The following DAD1 variants were observed in gnomAD, a reference collection of about 807,000 sequenced individuals.
DAD1 encodes defender against cell death 1, also known as dolichyl-diphosphooligosaccharide--protein glycosyltransferase subunit DAD1.
DAD1 carries 4 observed loss-of-function variants against 9.0 expected under a neutral mutation model. The ratio of observed to expected loss-of-function variants is 0.44; its 90% CI spans 0.22 to 1.01. DAD1 has a LOEUF of 1.01. Ranked by LOEUF, DAD1 falls within the 50% of genes least tolerant of loss-of-function variation. The pLI is 0.24. For synonymous variants in DAD1, 60 were observed against 62.5 expected, an observed-to-expected ratio of 0.96 and a Z score of 0.19; for missense variants, 119 against 137.3, an observed-to-expected ratio of 0.87 and a Z score of 0.67.
At chr14:22,587,665 T>C (rs1243256483) in intron 1 of DAD1, among the ~76,000 whole-genome samples, 1 of 152,146 alleles carries the variant, frequency 6.6e-6, no homozygotes, top group Non-Finnish European at 1.5e-5. Context: ...ATATCTCTGG[T>C]GTGTCAGAAC....
intron 1 of DAD1, among the ~76,000 whole-genome samples, chr14:22,576,761 C>G (rs1330523814): frequency 6.6e-6 from 1 of 152,036 alleles, no homozygotes; most frequent in Non-Finnish European, 1.5e-5. Flanking sequence ...TAAAGTACCC[C>G]TACAATGCAA....
intron 2 of DAD1, among the ~76,000 whole-genome samples, chr14:22,573,409 G>A (rs17119929): frequency 6.6e-6 from 1 of 151,926 alleles, no homozygotes; most frequent in Non-Finnish European, 1.5e-5. Context: ...TTAATCAGGT[G>A]TCTAATGAGT....
intron 1 of DAD1, among the ~76,000 whole-genome samples, chr14:22,582,987 CAG>C (rs2037127791): frequency 8.0e-6 from 1 of 125,502 alleles, no homozygotes; most frequent in Non-Finnish European, 1.6e-5. Context: ...GCCTGGGTGA[CAG>C]AGTGAGACTA....
At chr14:22,567,600 T>C (rs929891005) in intron 2 of DAD1, among the ~76,000 whole-genome samples, 1 of 152,250 alleles carries the variant, frequency 6.6e-6, no homozygotes, top group African/African-American at 2.4e-5. Context: ...CCACAGCCAC[T>C]AGACACAGGT....
At chr14:22,585,431 A>G (rs2037145447) in intron 1 of DAD1, among the ~76,000 whole-genome samples, 1 of 152,244 alleles carries the variant, frequency 6.6e-6, no homozygotes, top group East Asian at 1.9e-4. Flanking sequence ...ATATAACTCT[A>G]AAAAAGGGAC....
At chr14:22,584,193 C>G (rs5742761) in intron 1 of DAD1, among the ~76,000 whole-genome samples, 37,787 of 152,020 alleles carry the variant, frequency 0.25, 7,034 homozygotes, top group African/African-American at 0.52. Context: ...TCATTGCTCA[C>G]TATTCCTGAC....
At chr14:22,570,391 GC>G (rs1167080868) in intron 2 of DAD1, among the ~76,000 whole-genome samples, 1 of 152,034 alleles carries the variant, frequency 6.6e-6, no homozygotes, top group Admixed American at 6.6e-5. Flanking sequence ...CCCACTTCTG[GC>G]CAGAATGTAA....
At chr14:22,579,025 A>C (rs1217977386) in intron 1 of DAD1, among the ~76,000 whole-genome samples, 1 of 152,240 alleles carries the variant, frequency 6.6e-6, no homozygotes, top group African/African-American at 2.4e-5. Context: ...TATTCATTTA[A>C]TGGGTAGCAG....
intron 1 of DAD1, 62 bp downstream of exon 1, chr14:22,588,885 G>A (rs56253357): frequency 1.5e-5 from 23 of 1,554,646 alleles, no homozygotes; most frequent in Admixed American, 7.2e-5. Flanking sequence ...AGAGTACTAT[G>A]AAAACAAAAG....
chr14:22,571,536 C>T (rs2037040052), intron 2 of DAD1, among the ~76,000 whole-genome samples: 1 of 149,354 alleles, frequency 6.7e-6, no homozygotes. Context: ...TTTGTATTTT[C>T]ATTTGTATAG....
At chr14:22,572,145 A>C (rs5742814) in intron 2 of DAD1, among the ~76,000 whole-genome samples, 27,584 of 151,994 alleles carry the variant, frequency 0.18, 2,550 homozygotes, top group Middle Eastern at 0.26. Context: ...TGCCTCTTTC[A>C]GAGTAGGTTA....
At chr14:22,580,750 A>G (rs145739819) in intron 1 of DAD1, among the ~76,000 whole-genome samples, 1 of 152,294 alleles carries the variant, frequency 6.6e-6, no homozygotes, top group African/African-American at 2.4e-5. Flanking sequence ...GATGTATACA[A>G]TGCCCAAGAG....
intron 1 of DAD1, among the ~76,000 whole-genome samples, chr14:22,578,712 T>G (rs114639323): frequency 0.011 from 1,604 of 152,360 alleles, 19 homozygotes; most frequent in African/African-American, 0.026. Flanking sequence ...TCTATGGTGC[T>G]GGTAATGTCC....
At chr14:22,567,576 T>C (rs1246975020) in intron 2 of DAD1, among the ~76,000 whole-genome samples, 1 of 152,244 alleles carries the variant, frequency 6.6e-6, no homozygotes, top group Non-Finnish European at 1.5e-5. Context: ...TGTCCAGAGC[T>C]GTGCTGTCCA....
At chr14:22,566,588 C>T (rs2037003727) in intron 2 of DAD1, among the ~76,000 whole-genome samples, 2 of 152,296 alleles carry the variant, frequency 1.3e-5, no homozygotes, top group South Asian at 4.1e-4. Context: ...CCCGCCCCAG[C>T]CTCCCAAAGT....
intron 2 of DAD1, among the ~76,000 whole-genome samples, chr14:22,568,847 G>A (rs996650423): frequency 2.0e-5 from 3 of 152,048 alleles, no homozygotes; most frequent in Non-Finnish European, 4.4e-5. Context: ...ACAGGCACAC[G>A]CCACCACGCC....
In DAD1 at chr14:22,575,051, T is replaced by TC; in HGVS notation, c.*44+7dup. 1 of 1,598,362 alleles carries TC rather than the reference T, an allele frequency of 6.3e-7. No individual in the cohort carries two copies. Among genetic ancestry groups the TC allele is most frequent in the Non-Finnish European group, 8.6e-7 (1 of 1,169,080 alleles). ...CATTATAGGACAAGGACTATGATCA[T>TC]CACTTACATTCTTTTAGTCTCCTAC... On this transcript the variant is annotated splice_region_variant and intron_variant, in intron 2 of 2. Transcript: ENST00000250498.
At chr14:22,571,622 GCTCT>G (rs1301180985) in intron 2 of DAD1, among the ~76,000 whole-genome samples, 2 of 132,310 alleles carry the variant, frequency 1.5e-5, no homozygotes, top group African/African-American at 6.0e-5. Flanking sequence ...CTAGCAAGGG[GCTCT>G]TTTTTTTTTT....
chr14:22,577,852 T>C (rs921236655), intron 1 of DAD1, among the ~76,000 whole-genome samples: 1 of 149,256 alleles, frequency 6.7e-6, no homozygotes, highest in Non-Finnish European at 1.5e-5. Flanking sequence ...TGGATATGGA[T>C]AGTGATGATG....
Sources: allele counts gnomAD v4.1 joint callset (sites outside exome capture counted in the v4.1 genomes callset), GRCh38; gene constraint gnomAD v4.1.1; transcripts MANE v1.5; gene names NCBI Gene and HGNC (gene_info 2026-07-23, HGNC 2026-07-21).